Variants in TMEM242 observed in about 807,000 individuals in gnomAD.
TMEM242 encodes transmembrane protein 242, also known as UPF0463 transmembrane protein C6orf35.
TMEM242 carries 10 observed loss-of-function variants against 18.2 expected under a neutral mutation model. The ratio of observed to expected loss-of-function variants is 0.55; its 90% confidence interval spans 0.34 to 0.93. The LOEUF (loss-of-function observed/expected upper bound fraction) is 0.93. Ranked by LOEUF, TMEM242 falls within the 40% of genes least tolerant of loss-of-function variation. The pLI is 0.02. For missense variants in TMEM242, 186 were observed against 175.5 expected (o/e 1.06, Z -0.34); for synonymous variants, 57 against 69.9 (o/e 0.81, Z 0.92).
chr6:157,310,980 C>T (rs1554248544), intron 3 of TMEM242, among the ~76,000 whole-genome samples: 5 of 13,576 alleles, frequency 3.7e-4, no homozygotes, highest in Admixed American at 1.6e-3. Context: ...CATAGTGTCC[C>T]AGTATGCGCT....
chr6:157,313,332 A>C (rs1562386142), intron 3 of TMEM242, among the ~76,000 whole-genome samples: 31 of 145,932 alleles, frequency 2.1e-4, no homozygotes, highest in African/African-American at 7.6e-4. Context: ...ACCTGGCCTC[A>C]TCATAGTGCC....
chr6:157,310,668 G>C (rs1013301365), intron 3 of TMEM242, among the ~76,000 whole-genome samples: 2 of 150,994 alleles, frequency 1.3e-5, no homozygotes, highest in Non-Finnish European at 2.9e-5. Flanking sequence ...CCTCATCATA[G>C]TGTCCCAGTG....
At chr6:157,301,729 C>A (rs1019745201) in intron 3 of TMEM242, among the ~76,000 whole-genome samples, 4 of 152,036 alleles carry the variant, frequency 2.6e-5, no homozygotes, top group Admixed American at 1.3e-4. Context: ...GTCAGAAGTT[C>A]GAGACCAGCC....
intron 3 of TMEM242, among the ~76,000 whole-genome samples, chr6:157,311,803 G>T: frequency 2.1e-5 from 1 of 47,884 alleles, no homozygotes; most frequent in Non-Finnish European, 3.7e-5. Flanking sequence ...CACACACCGA[G>T]CCTCATTATA....
At chr6:157,295,079 T>C (rs1777734343) in intron 3 of TMEM242, among the ~76,000 whole-genome samples, 1 of 152,264 alleles carries the variant, frequency 6.6e-6, no homozygotes, top group Non-Finnish European at 1.5e-5. Flanking sequence ...AAAGCTCACA[T>C]GGATATAAAT....
intron 3 of TMEM242, 153 bp downstream of exon 3, chr6:157,318,629 T>C: frequency 2.6e-6 from 2 of 779,006 alleles, no homozygotes; most frequent in East Asian, 2.6e-5. Context: ...AGAAGTTGTC[T>C]AGTTATTTGT....
chr6:157,294,993 A>G (rs1777733369), intron 3 of TMEM242, among the ~76,000 whole-genome samples: 1 of 152,266 alleles, frequency 6.6e-6, no homozygotes, highest in Admixed American at 6.5e-5. Context: ...AGCATCTAAC[A>G]CATGGAAAGT....
chr6:157,312,612 AGCCTCACCATAGTGTCGCAGTGTGCACTC>A (rs1778203466), intron 3 of TMEM242, among the ~76,000 whole-genome samples: 1 of 1,642 alleles, frequency 6.1e-4, no homozygotes, highest in Non-Finnish European at 1.4e-3. Flanking sequence ...GCACTCACCT[AGCCTCACCATAGTGTCGCAGTGTGCACTC>A]ACCCGGCCTC....
intron 3 of TMEM242, among the ~76,000 whole-genome samples, chr6:157,312,801 A>C (rs587681313): frequency 3.4e-5 from 5 of 147,514 alleles, no homozygotes; most frequent in Admixed American, 1.3e-4. Context: ...ATAATGCCCC[A>C]GTGTGAACTC....
intron 2 of TMEM242, among the ~76,000 whole-genome samples, chr6:157,322,072 G>A (rs1444993696): frequency 4.6e-5 from 7 of 152,124 alleles, no homozygotes; most frequent in Non-Finnish European, 7.3e-5. Context: ...GATGTTTTAC[G>A]TAACACTTTT....
At chr6:157,311,002 C>A (rs138099773) in intron 3 of TMEM242, among the ~76,000 whole-genome samples, 80 of 1,676 alleles carry the variant, frequency 0.048, no homozygotes, top group African/African-American at 0.062. Context: ...ACCTAGCCTC[C>A]CCAGTGTGCA....
intron 3 of TMEM242, among the ~76,000 whole-genome samples, chr6:157,303,808 T>C (rs1284445581): frequency 6.7e-6 from 1 of 150,356 alleles, no homozygotes; most frequent in African/African-American, 2.5e-5. Context: ...TCTAATTCTA[T>C]TGCTCAGTAA....
chr6:157,300,729 C>T (rs1554247476), intron 3 of TMEM242, among the ~76,000 whole-genome samples: 1 of 152,214 alleles, frequency 6.6e-6, no homozygotes, highest in East Asian at 1.9e-4. Flanking sequence ...CGCTGGGAGT[C>T]ATCCCATCAC....
intron 3 of TMEM242, among the ~76,000 whole-genome samples, chr6:157,309,986 C>T (rs1777973633): frequency 6.6e-6 from 1 of 152,154 alleles, no homozygotes; most frequent in Non-Finnish European, 1.5e-5. Context: ...CACCTCCCCA[C>T]AAACATAGAG....
At position 157,291,447 on chromosome 6, in the gene TMEM242, T is replaced by C. The variant is rs782724562; in HGVS notation, c.*1454A>G. The C allele has an allele frequency of 1.3e-5, 2 of 152,250 alleles. No homozygotes were observed. The highest frequency in any genetic ancestry group is 2.4e-5 in the African/African-American group (1 of 41,466). 9.4% of individuals were successfully genotyped at this position (152,250 alleles called of 1,614,324 possible). On this transcript the variant is annotated 3_prime_UTR_variant, in exon 4 of 4. Transcript: ENST00000400788. ...GAGGAACCTAGATTCAGACTAATTG[T>C]ATGGACGAAAACCTGTTCCTTTGGC...
intron 3 of TMEM242, among the ~76,000 whole-genome samples, chr6:157,313,123 G>A (rs1778246165): frequency 6.7e-6 from 1 of 148,220 alleles, no homozygotes; most frequent in African/African-American, 2.5e-5. Context: ...TGCTCACCCG[G>A]CCTCATCATA....
intron 3 of TMEM242, chr6:157,318,474 C>T (rs1344460974): frequency 2.2e-5 from 8 of 368,144 alleles, no homozygotes; most frequent in African/African-American, 1.0e-4. Context: ...TTGCCTGCCG[C>T]AGGCTCCCAA....
At chr6:157,301,078 C>A (rs1554247504) in intron 3 of TMEM242, among the ~76,000 whole-genome samples, 1 of 151,986 alleles carries the variant, frequency 6.6e-6, no homozygotes, top group East Asian at 1.9e-4. Context: ...CCTAATAAGC[C>A]CAGTAAACTA....
chr6:157,312,403 A>ACTGTGCT (rs1778182996), intron 3 of TMEM242, among the ~76,000 whole-genome samples: 1 of 43,520 alleles, frequency 2.3e-5, no homozygotes, highest in African/African-American at 8.7e-5. Flanking sequence ...CGCAGTATCC[A>ACTGTGCT]CTCACCTAGC....
Sources: gnomAD v4.1 joint callset for allele counts (sites outside exome capture counted in the v4.1 genomes callset) on GRCh38, gnomAD v4.1.1 for gene constraint, MANE v1.5 for transcripts, NCBI Gene and HGNC (gene_info 2026-07-23, HGNC 2026-07-21) for gene names.